Variants in PCDHA8 observed in about 807,000 individuals in gnomAD.
PCDHA8 encodes the protein protocadherin alpha-8.
Under a neutral mutation model 61.8 loss-of-function variants are expected in PCDHA8, and 53 were observed. The observed-to-expected ratio is 0.86, with a 90% CI of 0.69 to 1.08. PCDHA8 has a LOEUF of 1.08. Among genes scored for constraint, PCDHA8 ranks in the 50% least tolerant of loss-of-function variants. The probability of loss-of-function intolerance (pLI) is 0.00; values close to 1 mark genes in which losing one functional copy is unlikely to be tolerated. For missense variants in PCDHA8, 1,293 were observed against 1,245.0 expected (o/e 1.04, Z -0.58); for synonymous variants, 618 against 556.6 (o/e 1.11, Z -1.55).
chr5:140,887,153 G>C (rs950456487), intron 1 of PCDHA8, among the ~76,000 whole-genome samples: 1 of 151,288 alleles, frequency 6.6e-6, no homozygotes, highest in South Asian at 2.1e-4. Flanking sequence ...CTGGAGTACA[G>C]TGGCGTGATC....
chr5:140,872,816 T>C (rs1204141018), intron 1 of PCDHA8, among the ~76,000 whole-genome samples: 2 of 152,190 alleles, frequency 1.3e-5, no homozygotes, highest in African/African-American at 4.8e-5. Context: ...GTTTTTCAGA[T>C]TCATCTAGCA....
At chr5:140,870,292 G>A (rs782159013) in intron 1 of PCDHA8, 1 of 1,614,176 alleles carries the variant, frequency 6.2e-7, no homozygotes, top group Non-Finnish European at 8.5e-7. Context: ...CTTCAAGCTG[G>A]TGTCCACCTT....
At chr5:140,918,331 G>A (rs1429617568) in intron 1 of PCDHA8, among the ~76,000 whole-genome samples, 1 of 152,114 alleles carries the variant, frequency 6.6e-6, no homozygotes, top group Non-Finnish European at 1.5e-5. Context: ...TATATTGTCT[G>A]CTAAGAGAGA....
chr5:140,916,068 C>G (rs928159450), intron 1 of PCDHA8, among the ~76,000 whole-genome samples: 1 of 152,166 alleles, frequency 6.6e-6, no homozygotes, highest in African/African-American at 2.4e-5. Context: ...TCCCTGTGGC[C>G]AGTACTACCA....
intron 1 of PCDHA8, chr5:140,871,124 C>T (rs782035990): frequency 1.9e-6 from 3 of 1,613,326 alleles, no homozygotes; most frequent in Non-Finnish European, 8.5e-7. Context: ...AGCGGACAGG[C>T]GCCAAAGGCC....
intron 1 of PCDHA8, among the ~76,000 whole-genome samples, chr5:140,933,883 T>C (rs376864592): frequency 1.3e-5 from 2 of 152,084 alleles, no homozygotes; most frequent in East Asian, 1.9e-4. Context: ...GTTTTATCTG[T>C]ACTTTTGAAT....
intron 1 of PCDHA8, chr5:140,852,588 T>A (rs2150519378): frequency 0.079 from 70,028 of 881,224 alleles, 6,599 homozygotes; most frequent in African/African-American, 0.093. Flanking sequence ...TTTTATTTTT[T>A]TTTTTTGTCA....
At chr5:140,983,062 G>A (rs575564004) in intron 3 of PCDHA8, among the ~76,000 whole-genome samples, 2 of 152,168 alleles carry the variant, frequency 1.3e-5, no homozygotes, top group South Asian at 4.2e-4. Context: ...TCGGAACCAA[G>A]GCATTGTTTT....
chr5:140,870,976 C>T (rs2052595345), intron 1 of PCDHA8: 1 of 1,613,480 alleles, frequency 6.2e-7, no homozygotes, highest in Non-Finnish European at 8.5e-7. Context: ...CCGCGTGGGG[C>T]TGTACACGGG....
intron 1 of PCDHA8, chr5:140,849,719 G>C: frequency 1.3e-6 from 2 of 1,598,560 alleles, no homozygotes; most frequent in South Asian, 1.1e-5. Context: ...ACTCGTTGGT[G>C]CTGGACAGAG....
At chr5:140,977,107 T>C (rs1419522797) in intron 1 of PCDHA8, among the ~76,000 whole-genome samples, 2 of 152,166 alleles carry the variant, frequency 1.3e-5, no homozygotes, top group Non-Finnish European at 2.9e-5. Flanking sequence ...GGAAGTGAGA[T>C]TGTATAATGA....
intron 1 of PCDHA8, among the ~76,000 whole-genome samples, chr5:140,969,881 G>A (rs1554232131): frequency 6.6e-6 from 1 of 152,196 alleles, no homozygotes; most frequent in African/African-American, 2.4e-5. Context: ...CTATGTGATA[G>A]GATCCTCTGG....
At chr5:140,977,955 C>T (rs1280190913) in intron 1 of PCDHA8, among the ~76,000 whole-genome samples, 1 of 152,170 alleles carries the variant, frequency 6.6e-6, no homozygotes, top group African/African-American at 2.4e-5. Context: ...GACAGGGCCA[C>T]CTCAATCTCC....
At position 140,851,979 on chromosome 5, in the gene PCDHA8, G is replaced by A. The variant is rs117939942; in HGVS notation, c.2394+8264G>A. 36 of 976,672 alleles carry A rather than the reference G, an allele frequency of 3.7e-5. No individual in the cohort carries two copies. In the East Asian group the frequency reaches 3.7e-3, roughly 102 times the overall value. 60.5% of individuals were successfully genotyped at this position (976,672 alleles called of 1,614,324 possible). ...GGTGGTTTTCCACACTCTACCTTTA[G>A]TGCAAGCTATTTGTTTGTTTTCTAA... On this transcript the variant is annotated intron_variant, in intron 1 of 3. Coordinates refer to ENST00000531613, the MANE Select transcript of PCDHA8 (RefSeq NM_018911.3).
Position 141,009,541 on chromosome 5 carries a change from A to G in PCDHA8, c.2543-86A>G. 8 of 1,530,282 alleles carry G rather than the reference A, an allele frequency of 5.2e-6. No homozygotes were observed. The South Asian group carries it at 6.6e-5, about 13-fold the overall frequency. 94.8% of individuals were successfully genotyped at this position (1,530,282 alleles called of 1,614,324 possible). Reference sequence around the variant, plus strand: ...TTTTCTGGGGAGGTTCAGCCTGCCTATGCAGTACTCCTGTACTCTACCAGC... The same window carrying G: ...TTTTCTGGGGAGGTTCAGCCTGCCTGTGCAGTACTCCTGTACTCTACCAGC... On this transcript the variant is annotated intron_variant, in intron 3 of 3. Coordinates refer to ENST00000531613, the MANE Select transcript of PCDHA8 (RefSeq NM_018911.3).
Position 140,856,993 on chromosome 5 carries a change from T to C in PCDHA8, c.2394+13278T>C, listed in dbSNP as rs201643490. Reference sequence around the variant, plus strand: ...TTGACTTTGAGGACAGTAACACTTATGAAATTCATGTAGATGTTACAGATA... The same window carrying C: ...TTGACTTTGAGGACAGTAACACTTACGAAATTCATGTAGATGTTACAGATA... On this transcript the variant is annotated intron_variant, in intron 1 of 3. Coordinates refer to ENST00000531613, the MANE Select transcript of PCDHA8 (RefSeq NM_018911.3). The C allele has an allele frequency of 7.3e-5, 117 of 1,595,326 alleles. 13 individuals are homozygous for C. The highest frequency in any genetic ancestry group is 9.6e-5 in the Non-Finnish European group (112 of 1,165,156).
In PCDHA8 at chr5:140,969,008, G is replaced by C. The variant is rs782541476; in HGVS notation, c.2395-9941G>C. 29 of 1,614,076 alleles carry C rather than the reference G, an allele frequency of 1.8e-5. 1 individual carries two copies. In the Admixed American group the frequency reaches 4.8e-4, roughly 27 times the overall value. Reference sequence around the variant, plus strand: ...TGCATGCTGTGGAGGCTTCTGTGGAGTAAGGGAAAGGTCCCCTGCAGAACT... The same window carrying C: ...TGCATGCTGTGGAGGCTTCTGTGGACTAAGGGAAAGGTCCCCTGCAGAACT... On this transcript the variant is annotated intron_variant, in intron 1 of 3. Coordinates refer to ENST00000531613, the MANE Select transcript of PCDHA8 (RefSeq NM_018911.3).
Position 141,010,123 on chromosome 5 carries a change from A to G in PCDHA8, c.*186A>G, listed in dbSNP as rs782357783. The G allele has an allele frequency of 3.7e-6, 6 of 1,605,822 alleles. No individual in the cohort carries two copies. In the East Asian group the frequency reaches 1.3e-4, roughly 36 times the overall value. On this transcript the variant is annotated 3_prime_UTR_variant, in exon 4 of 4. Transcript: ENST00000531613. ...AGGTTTTGTCGTAAAAGCTTTACTA[A>G]GTCTGGTGTTAACTCTTTCTCTCCA...
intron 3 of PCDHA8, among the ~76,000 whole-genome samples, chr5:140,999,859 C>T (rs2153959609): frequency 6.6e-6 from 1 of 152,256 alleles, no homozygotes; most frequent in South Asian, 2.1e-4. Context: ...TCTTCCGCTC[C>T]AAGATTACTG....
Sources: gnomAD v4.1 joint callset for allele counts (sites outside exome capture counted in the v4.1 genomes callset) on GRCh38, gnomAD v4.1.1 for gene constraint, MANE v1.5 for transcripts, NCBI Gene and HGNC (gene_info 2026-07-23, HGNC 2026-07-21) for gene names.